IFT122: variants seen among roughly 807,000 people sequenced by gnomAD.
The protein encoded by IFT122 is intraflagellar transport protein 122 homolog.
In IFT122, 118 loss-of-function variants were observed where a neutral mutation model predicts 161.6. The observed-to-expected ratio is 0.73, with a 90% CI of 0.63 to 0.85. The LOEUF is 0.85. IFT122 is among the 40% of genes least tolerant of loss of function. The probability of loss-of-function intolerance (pLI) is 0.00; values close to 1 mark genes in which losing one functional copy is unlikely to be tolerated. For synonymous variants in IFT122, 550 were observed against 602.4 expected, an observed-to-expected ratio of 0.91 and a Z score of 1.27; for missense variants, 1,381 against 1,579.6, an observed-to-expected ratio of 0.87 and a Z score of 2.13.
At chr3:129,481,328 A>T in intron 13 of IFT122, 1 of 580,490 alleles carries the variant, frequency 1.7e-6, no homozygotes. Context: ...GCCTCTGATG[A>T]ACCTCGCTTC....
At chr3:129,488,215 C>T in intron 15 of IFT122, 42 bp from the exon 16 acceptor site, 1 of 1,613,708 alleles carries the variant, frequency 6.2e-7, no homozygotes. Context: ...TTCCATGGCT[C>T]TGAAAACAGT....
At chr3:129,516,430 C>CAG (rs201122471) in intron 26 of IFT122, among the ~76,000 whole-genome samples, 3 of 135,490 alleles carry the variant, frequency 2.2e-5, no homozygotes, top group Non-Finnish European at 3.1e-5. Context: ...CACACACACA[C>CAG]AGACTGCCCC....
At chr3:129,458,506 G>A (rs563499183) in intron 3 of IFT122, 93 bp from the exon 4 acceptor site, 7 of 1,040,600 alleles carry the variant, frequency 6.7e-6, no homozygotes, top group Non-Finnish European at 1.1e-5. Flanking sequence ...ACACTTACTA[G>A]GTACCTTAAA....
At chr3:129,478,632 C>T (rs367584240) in intron 12 of IFT122, among the ~76,000 whole-genome samples, 13 of 151,918 alleles carry the variant, frequency 8.6e-5, no homozygotes, top group African/African-American at 1.9e-4. Context: ...TTAGTAGAGA[C>T]GCGAGGCTGT....
At chr3:129,492,056 A>G (rs1311144141) in intron 16 of IFT122, 85 bp from the exon 17 acceptor site, 1 of 973,168 alleles carries the variant, frequency 1.0e-6, no homozygotes, top group South Asian at 1.3e-5. Flanking sequence ...CTGTCTAGAT[A>G]GAGCTTGACT....
chr3:129,467,080 A>C lies in IFT122; in HGVS notation c.740+14A>C, dbSNP rs778584430. 3 of 1,611,570 alleles carry C rather than the reference A, an allele frequency of 1.9e-6. No homozygotes were observed. The highest frequency in any genetic ancestry group is 2.5e-6 in the Non-Finnish European group (3 of 1,178,850). On this transcript the variant is annotated intron_variant, in intron 8 of 29. Transcript: ENST00000348417. The stretch of plus-strand genomic sequence containing the variant: ...GGACGACAACTTGTGAGTGTGTCCC[A>C]GTGAGTGGGAACCCTTCTGGTAAGG...
intron 18 of IFT122, among the ~76,000 whole-genome samples, chr3:129,498,405 C>T (rs985402817): frequency 4.8e-4 from 73 of 152,332 alleles, no homozygotes; most frequent in South Asian, 1.7e-3. Context: ...AGAGAATCCG[C>T]GCCATAGCAG....
At chr3:129,483,274 A>G (rs1237228196) in intron 14 of IFT122, among the ~76,000 whole-genome samples, 2 of 152,186 alleles carry the variant, frequency 1.3e-5, no homozygotes, top group Admixed American at 1.3e-4. Flanking sequence ...CAAAAATTCC[A>G]ACAACACGCA....
chr3:129,507,343 C>T (rs558704073), intron 22 of IFT122, among the ~76,000 whole-genome samples: 25 of 152,222 alleles, frequency 1.6e-4, no homozygotes, highest in African/African-American at 2.9e-4. Flanking sequence ...CAGGCTCTTC[C>T]GACACATCTT....
chr3:129,485,179 A>C (rs1008288282), intron 15 of IFT122, among the ~76,000 whole-genome samples: 3 of 152,184 alleles, frequency 2.0e-5, no homozygotes, highest in African/African-American at 7.2e-5. Context: ...ACCTGTCCCA[A>C]CTTGGCGCCT....
At chr3:129,442,172 A>C (rs2073280799) in intron 1 of IFT122, among the ~76,000 whole-genome samples, 1 of 152,168 alleles carries the variant, frequency 6.6e-6, no homozygotes, top group East Asian at 1.9e-4. Flanking sequence ...CTCTGTTTTC[A>C]ACCCCTGGCA....
chr3:129,454,621 C>T (rs577648631), intron 3 of IFT122, among the ~76,000 whole-genome samples: 30 of 150,432 alleles, frequency 2.0e-4, no homozygotes, highest in Middle Eastern at 3.4e-3. Context: ...GCCTGGAGAG[C>T]TGAACTGTTT....
chr3:129,518,607 G>A (rs1296153814), intron 27 of IFT122, among the ~76,000 whole-genome samples: 1 of 152,126 alleles, frequency 6.6e-6, no homozygotes, highest in Non-Finnish European at 1.5e-5. Flanking sequence ...ACTCCAACTT[G>A]GTACCAGCAG....
At chr3:129,471,617 T>C (rs940383191) in intron 9 of IFT122, among the ~76,000 whole-genome samples, 3 of 152,200 alleles carry the variant, frequency 2.0e-5, no homozygotes, top group Non-Finnish European at 2.9e-5. Context: ...AGAGCTCATG[T>C]TGTGGCCCAA....
In IFT122 at chr3:129,519,615, G is replaced by T; in HGVS notation, c.3519G>T (p.Leu1173=). The change falls in exon 29 of 30, where the codon CTG becomes CTT. Residue 1173 remains leucine (L), a synonymous_variant. Transcript: ENST00000348417. ...CAGTGGTGGTGAGCCGGCTGGTGCT[G>T]CGCTCCATGAGCCGCCGGGATGTCC... The part of the protein sequence containing the change: ...FVPVVVSRLV[L]RSMSRRDVLI... 13 of 1,613,620 alleles carry T rather than the reference G, an allele frequency of 8.1e-6. No individual in the cohort carries two copies. Among genetic ancestry groups the T allele is most frequent in the Non-Finnish European group, 1.1e-5 (13 of 1,180,020 alleles).
Position 129,483,465 on chromosome 3 carries a change from C to A in IFT122, c.1654-20C>A, listed in dbSNP as rs774202017. 1.2e-6 allele frequency: 2 copies of A among 1,610,738 alleles called. No homozygotes were observed. The highest frequency in any genetic ancestry group is 1.1e-5 in the South Asian group (1 of 90,956). On this transcript the variant is annotated intron_variant, in intron 14 of 29. Transcript: ENST00000348417. ...GCCCAGGGTGGTTCTCACAGGATCC[C>A]CACTGTCCCTGTTCCCCAGGAACCA...
At chr3:129,516,884 C>G (rs1310287528) in intron 26 of IFT122, among the ~76,000 whole-genome samples, 1 of 106,068 alleles carries the variant, frequency 9.4e-6, no homozygotes, top group South Asian at 3.6e-4. Flanking sequence ...ACACACAGAC[C>G]GCTCCTGCAC....
intron 13 of IFT122, among the ~76,000 whole-genome samples, chr3:129,480,820 G>A (rs1310397208): frequency 1.3e-5 from 2 of 152,034 alleles, no homozygotes; most frequent in Admixed American, 1.3e-4. Flanking sequence ...TATTTCATAG[G>A]GCTGTCAAAA....
chr3:129,450,591 A>G (rs1426041900), intron 2 of IFT122, among the ~76,000 whole-genome samples: 1 of 152,140 alleles, frequency 6.6e-6, no homozygotes, highest in African/African-American at 2.4e-5. Context: ...ATTGTTCTGC[A>G]GACTTCTCTC....
Sources: gnomAD v4.1 joint callset for allele counts (sites outside exome capture counted in the v4.1 genomes callset) on GRCh38, gnomAD v4.1.1 for gene constraint, MANE v1.5 for transcripts, NCBI Gene and HGNC (gene_info 2026-07-23, HGNC 2026-07-21) for gene names.